The following EGFLAM variants were observed in gnomAD, a reference collection of about 807,000 sequenced individuals.
The protein encoded by EGFLAM is EGF like, fibronectin type III and laminin G domains, also known as pikachurin.
EGFLAM carries 79 observed loss-of-function variants against 113.1 expected under a neutral mutation model. That is an observed-to-expected ratio of 0.70 (90% CI 0.58 to 0.84). The LOEUF (loss-of-function observed/expected upper bound fraction) is 0.84, where lower values mean the gene tolerates loss of function less well. Among genes scored for constraint, EGFLAM ranks in the 40% least tolerant of loss-of-function variants. The pLI is 0.00. For missense variants in EGFLAM, 1,265 were observed against 1,291.6 expected, an observed-to-expected ratio of 0.98 and a Z score of 0.32; for synonymous variants, 504 against 487.6, an observed-to-expected ratio of 1.03 and a Z score of -0.44.
At chr5:38,350,757 C>T (rs779742395) in intron 4 of EGFLAM, 139 bp downstream of exon 4, 33 of 739,180 alleles carry the variant, frequency 4.5e-5, no homozygotes, top group Non-Finnish European at 6.3e-5. Context: ...AAAGTAAGCA[C>T]AGCTCCCGCC....
chr5:38,335,669 G>A (rs1272602625), intron 1 of EGFLAM, among the ~76,000 whole-genome samples: 9 of 152,166 alleles, frequency 5.9e-5, no homozygotes, highest in Non-Finnish European at 1.3e-4. Flanking sequence ...AAATCTCTGA[G>A]TGGTGACAAT....
chr5:38,298,741 C>G (rs955539518), intron 1 of EGFLAM, among the ~76,000 whole-genome samples: 1 of 152,024 alleles, frequency 6.6e-6, no homozygotes, highest in Non-Finnish European at 1.5e-5. Flanking sequence ...CACTCTATCA[C>G]CCAGGCTGGA....
intron 12 of EGFLAM, 86 bp downstream of exon 12, chr5:38,418,341 C>A: frequency 6.7e-7 from 1 of 1,492,562 alleles, no homozygotes; most frequent in Non-Finnish European, 9.0e-7. Flanking sequence ...ATGGAGGGAG[C>A]AGCAACATTA....
At chr5:38,429,827 AT>A (rs1195427906) in intron 14 of EGFLAM, 3 of 152,548 alleles carry the variant, frequency 2.0e-5, no homozygotes, top group African/African-American at 7.2e-5. Flanking sequence ...TCTAGCCATT[AT>A]TATATCTGTC....
At chr5:38,441,326 G>A (rs1002028781) in intron 17 of EGFLAM, among the ~76,000 whole-genome samples, 1 of 152,122 alleles carries the variant, frequency 6.6e-6, no homozygotes. Context: ...CTTCCATTTG[G>A]TGGTTTCAGT....
intron 12 of EGFLAM, among the ~76,000 whole-genome samples, chr5:38,422,707 A>G (rs1250546439): frequency 2.0e-5 from 3 of 152,196 alleles, no homozygotes; most frequent in Non-Finnish European, 4.4e-5. Context: ...ACAAGTATGA[A>G]TGATACTTCA....
chr5:38,261,779 G>A (rs892822961), intron 1 of EGFLAM, among the ~76,000 whole-genome samples: 21 of 151,956 alleles, frequency 1.4e-4, no homozygotes, highest in African/African-American at 4.9e-4. Flanking sequence ...AATTTTGGAA[G>A]CTACTGTCTA....
intron 1 of EGFLAM, 21 bp downstream of exon 1, chr5:38,258,872 G>T: frequency 6.2e-7 from 1 of 1,601,450 alleles, no homozygotes. Flanking sequence ...CCTCCGCCCA[G>T]AGCCACCACG....
chr5:38,375,050 C>T (rs1383246119), intron 6 of EGFLAM, among the ~76,000 whole-genome samples: 1 of 133,624 alleles, frequency 7.5e-6, no homozygotes, highest in Non-Finnish European at 1.6e-5. Flanking sequence ...TGTCTGTTTA[C>T]TCTGTTGTTG....
chr5:38,412,895 T>G (rs1741529520), intron 11 of EGFLAM, among the ~76,000 whole-genome samples: 2 of 152,188 alleles, frequency 1.3e-5, no homozygotes, highest in African/African-American at 4.8e-5. Flanking sequence ...GAATTAAACT[T>G]GCAAGCATCA....
chr5:38,281,867 T>C (rs2111755767), intron 1 of EGFLAM, among the ~76,000 whole-genome samples: 1 of 152,358 alleles, frequency 6.6e-6, no homozygotes, highest in Middle Eastern at 3.4e-3. Flanking sequence ...TTTATTGTTC[T>C]ACTTATTCTA....
At chr5:38,380,147 C>A (rs1462588391) in intron 6 of EGFLAM, among the ~76,000 whole-genome samples, 1 of 152,180 alleles carries the variant, frequency 6.6e-6, no homozygotes, top group Non-Finnish European at 1.5e-5. Flanking sequence ...AATGTAAAAA[C>A]CATTGTTACA....
chr5:38,313,971 CAGAA>C (rs1738523836), intron 1 of EGFLAM, among the ~76,000 whole-genome samples: 1 of 152,056 alleles, frequency 6.6e-6, no homozygotes, highest in Non-Finnish European at 1.5e-5. Flanking sequence ...GTTGTTTCGA[CAGAA>C]AGAAACGTTT....
intron 1 of EGFLAM, among the ~76,000 whole-genome samples, chr5:38,316,898 C>T (rs1021148072): frequency 1.3e-5 from 2 of 152,188 alleles, no homozygotes; most frequent in Non-Finnish European, 2.9e-5. Flanking sequence ...AAGAGACTTG[C>T]TGCTTTGGGC....
At position 38,370,305 on chromosome 5, in the gene EGFLAM, CGACAAGAAGTG is replaced by C; in HGVS notation, c.559_569del (p.Lys187LeufsTer4). 1 of 1,613,204 alleles carries C rather than the reference CGACAAGAAGTG, an allele frequency of 6.2e-7. No homozygotes were observed. Among genetic ancestry groups the C allele is most frequent in the South Asian group, 1.1e-5 (1 of 90,940 alleles). On this transcript the variant is annotated frameshift_variant, in exon 6 of 22. Coordinates refer to ENST00000322350, the MANE Select transcript of EGFLAM (RefSeq NM_152403.4). LOFTEE classifies it high-confidence loss of function. ...TTTCTAATCAATAAAGGCCAGATTT[CGACAAGAAGTG>C]GACCTCAATCCATGAGCGGATCCAG...
At chr5:38,317,558 G>A (rs920026149) in intron 1 of EGFLAM, among the ~76,000 whole-genome samples, 6 of 152,144 alleles carry the variant, frequency 3.9e-5, no homozygotes, top group Non-Finnish European at 8.8e-5. Context: ...ATCATCCCTA[G>A]CAAGTTCATA....
chr5:38,417,474 T>C (rs1741689570), intron 11 of EGFLAM, among the ~76,000 whole-genome samples: 1 of 151,778 alleles, frequency 6.6e-6, no homozygotes, highest in Non-Finnish European at 1.5e-5. Context: ...TGGTCTAAGA[T>C]GGGAAGTTTC....
chr5:38,374,223 C>T (rs186353602), intron 6 of EGFLAM, among the ~76,000 whole-genome samples: 481 of 152,296 alleles, frequency 3.2e-3, no homozygotes, highest in Middle Eastern at 0.01. Context: ...ACCTTACCCG[C>T]TGCCTAGACA....
intron 6 of EGFLAM, among the ~76,000 whole-genome samples, chr5:38,393,945 C>T (rs2589819): frequency 0.11 from 16,173 of 152,148 alleles, 2,658 homozygotes; most frequent in African/African-American, 0.35. Context: ...CAGAAGACTT[C>T]ATTGAGCGGT....
Sources: gnomAD v4.1 joint callset for allele counts (sites outside exome capture counted in the v4.1 genomes callset) on GRCh38, gnomAD v4.1.1 for gene constraint, MANE v1.5 for transcripts, NCBI Gene and HGNC (gene_info 2026-07-23, HGNC 2026-07-21) for gene names.